ROCK2: variants seen among roughly 807,000 people sequenced by gnomAD.
ROCK2 encodes the protein rho-associated protein kinase 2.
In ROCK2, 61 loss-of-function variants were observed where a neutral mutation model predicts 195.1. The ratio of observed to expected loss-of-function variants is 0.31; its 90% CI spans 0.25 to 0.39. The LOEUF (loss-of-function observed/expected upper bound fraction) is 0.39. Ranked by LOEUF, ROCK2 falls within the 10% of genes least tolerant of loss-of-function variation. ROCK2 has a pLI of 1.00. For missense variants in ROCK2, 1,109 were observed against 1,637.4 expected (o/e 0.68, Z 5.57); for synonymous variants, 504 against 545.5 (o/e 0.92, Z 1.06).
chr2:11,233,902 C>T (rs1558313612), intron 5 of ROCK2: 1 of 152,054 alleles, frequency 6.6e-6, no homozygotes. Flanking sequence ...ATGAGGCCTT[C>T]GTGTTGACTA....
chr2:11,281,683 A>G (rs972176684), intron 3 of ROCK2, among the ~76,000 whole-genome samples: 7 of 152,250 alleles, frequency 4.6e-5, no homozygotes, highest in Non-Finnish European at 1.0e-4. Flanking sequence ...TGAGCAATGT[A>G]TATGAAATTA....
In ROCK2 at chr2:11,343,273, C is replaced by T. The variant is rs373605737; in HGVS notation, c.141+723G>A. ...GTGCATTTCTATTTTGTAAAACATG[C>T]TCCTTTCTTAACCAAGAGCCAATTA... On this transcript the variant is annotated intron_variant, in intron 1 of 32. Transcript: ENST00000315872. Among the ~76,000 whole-genome samples, 9 of 152,166 alleles carry T rather than the reference C, an allele frequency of 5.9e-5. No individual in the cohort carries two copies. In the South Asian group the frequency reaches 1.2e-3, roughly 21 times the overall value.
chr2:11,189,588 G>A (rs144858195), intron 32 of ROCK2, among the ~76,000 whole-genome samples: 106 of 152,104 alleles, frequency 7.0e-4, no homozygotes, highest in Non-Finnish European at 1.2e-3. Flanking sequence ...CAGTTCCTTC[G>A]CTTGCTACAT....
intron 17 of ROCK2, among the ~76,000 whole-genome samples, chr2:11,212,991 C>T (rs1664299686): frequency 6.6e-6 from 1 of 152,160 alleles, no homozygotes; most frequent in Non-Finnish European, 1.5e-5. Context: ...TCTTTATTAA[C>T]AGCATCACTA....
intron 3 of ROCK2, among the ~76,000 whole-genome samples, chr2:11,284,602 T>C (rs1410562473): frequency 2.0e-5 from 3 of 152,188 alleles, no homozygotes; most frequent in African/African-American, 7.2e-5. Context: ...CAACAGGGCA[T>C]CTAGAATAAA....
At chr2:11,214,257 G>T in intron 17 of ROCK2, 100 bp downstream of exon 17, 1 of 655,384 alleles carries the variant, frequency 1.5e-6, no homozygotes, top group East Asian at 2.7e-5. Flanking sequence ...TGAGCATGTG[G>T]AAATATTCCA....
intron 6 of ROCK2, among the ~76,000 whole-genome samples, chr2:11,224,816 T>A (rs1027853926): frequency 3.6e-4 from 55 of 152,212 alleles, no homozygotes; most frequent in African/African-American, 1.3e-3. Flanking sequence ...GGTCCTTTAA[T>A]GCTTGGGCTG....
chr2:11,196,056 A>C (rs1323433723), intron 27 of ROCK2, among the ~76,000 whole-genome samples: 1 of 152,176 alleles, frequency 6.6e-6, no homozygotes, highest in Non-Finnish European at 1.5e-5. Flanking sequence ...TCTATTATGT[A>C]TCAATCGTGC....
chr2:11,341,083 A>C (rs1229790679), intron 1 of ROCK2, among the ~76,000 whole-genome samples: 1 of 13,342 alleles, frequency 7.5e-5, no homozygotes, highest in Admixed American at 2.3e-3. Flanking sequence ...CTCGCCTCCA[A>C]AAAAAAAAAG....
intron 1 of ROCK2, among the ~76,000 whole-genome samples, chr2:11,335,449 C>A (rs1006456451): frequency 6.6e-6 from 1 of 152,060 alleles, no homozygotes; most frequent in Non-Finnish European, 1.5e-5. Flanking sequence ...GGAAAATGTT[C>A]TTTTATTATT....
intron 1 of ROCK2, among the ~76,000 whole-genome samples, chr2:11,303,024 C>G (rs1321932063): frequency 6.6e-6 from 1 of 152,142 alleles, no homozygotes; most frequent in Non-Finnish European, 1.5e-5. Flanking sequence ...AACACTCATT[C>G]ATTTGCTGAG....
chr2:11,300,003 G>A (rs371019896), intron 1 of ROCK2, among the ~76,000 whole-genome samples: 3 of 152,148 alleles, frequency 2.0e-5, no homozygotes, highest in East Asian at 1.9e-4. Context: ...AGCAAGTCTC[G>A]GAAAGCGAAT....
At chr2:11,322,204 A>C (rs1338227661) in intron 1 of ROCK2, among the ~76,000 whole-genome samples, 3 of 152,144 alleles carry the variant, frequency 2.0e-5, no homozygotes, top group Admixed American at 2.0e-4. Context: ...AAACAAAACA[A>C]ACAATGGTCA....
chr2:11,260,745 C>T (rs1666198406), intron 3 of ROCK2, among the ~76,000 whole-genome samples: 1 of 152,056 alleles, frequency 6.6e-6, no homozygotes, highest in African/African-American at 2.4e-5. Context: ...TTTAAACTAG[C>T]ATTTACATAT....
chr2:11,187,092 G>A (rs1156326791), intron 32 of ROCK2, among the ~76,000 whole-genome samples: 2 of 152,106 alleles, frequency 1.3e-5, no homozygotes, highest in African/African-American at 2.4e-5. Flanking sequence ...TACCCATTTC[G>A]TTTCTTAACC....
intron 23 of ROCK2, among the ~76,000 whole-genome samples, chr2:11,199,570 A>C (rs1034406467): frequency 3.3e-5 from 5 of 151,950 alleles, no homozygotes; most frequent in African/African-American, 1.2e-4. Context: ...AGCTCAAGCA[A>C]TACTCCCACC....
At chr2:11,342,373 T>C (rs1031545681) in intron 1 of ROCK2, among the ~76,000 whole-genome samples, 3 of 152,180 alleles carry the variant, frequency 2.0e-5, no homozygotes, top group East Asian at 1.9e-4. Flanking sequence ...TTTTAATAAT[T>C]TGGAAAGCAA....
intron 1 of ROCK2, among the ~76,000 whole-genome samples, chr2:11,327,521 G>C (rs1205530110): frequency 1.3e-5 from 2 of 152,208 alleles, no homozygotes; most frequent in Middle Eastern, 3.2e-3. Flanking sequence ...TATGGGGAAA[G>C]ATTGTGAGCC....
In ROCK2 at chr2:11,192,839, G is replaced by A; in HGVS notation, c.3688-127C>T. ...TCAAAGAGAAGAAAATGTATCTGAA[G>A]TACAAACTTAAGCTCTTGATTACGC... is the stretch of plus-strand genomic sequence containing the variant. On this transcript the variant is annotated intron_variant, in intron 30 of 32. Coordinates refer to ENST00000315872, the MANE Select transcript of ROCK2 (RefSeq NM_004850.5). The surrounding 1 kb of genome is among the most constrained non-coding windows in gnomAD (Gnocchi z 5.0). 9.2e-7 allele frequency: 1 copy of A among 1,083,502 alleles called. No individual in the cohort carries two copies. The highest frequency in any genetic ancestry group is 1.7e-5 in the South Asian group (1 of 58,562). The allele number at this position is 1,083,502 out of a possible 1,614,324, so 67.1% of individuals were successfully genotyped here.
Sources: gnomAD v4.1 joint callset for allele counts (sites outside exome capture counted in the v4.1 genomes callset) on GRCh38, gnomAD v4.1.1 for gene constraint, Gnocchi (gnomAD v3.1) non-coding constraint, MANE v1.5 for transcripts, NCBI Gene and HGNC (gene_info 2026-07-23, HGNC 2026-07-21) for gene names.